FARP1: variants seen among roughly 807,000 people sequenced by gnomAD.
FARP1 encodes FERM, ARH/RhoGEF and pleckstrin domain protein 1.
A neutral mutation model predicts 128.8 loss-of-function variants in FARP1; 52 were observed. The ratio of observed to expected loss-of-function variants is 0.40; its 90% CI spans 0.32 to 0.51. The LOEUF is 0.51. FARP1 is among the 20% of genes least tolerant of loss of function. FARP1 has a pLI of 0.45. For missense variants in FARP1, 1,333 were observed against 1,367.9 expected, an observed-to-expected ratio of 0.97 and a Z score of 0.40; for synonymous variants, 580 against 551.8, an observed-to-expected ratio of 1.05 and a Z score of -0.72.
At chr13:98,245,360 A>G (rs926775323) in intron 2 of FARP1, 1 of 985,268 alleles carries the variant, frequency 1.0e-6, no homozygotes, top group Middle Eastern at 5.2e-4. Context: ...TTTATGTGAG[A>G]ACAGTTGATT....
Position 98,448,461 on chromosome 13 carries a change from G to GT in FARP1, c.*150dup, listed in dbSNP as rs1305774924. 4 of 675,490 alleles carry GT rather than the reference G, an allele frequency of 5.9e-6. No individual in the cohort carries two copies. Among genetic ancestry groups the GT allele is most frequent in the African/African-American group, 5.4e-5 (3 of 55,636 alleles). 41.8% of individuals were successfully genotyped at this position (675,490 alleles called of 1,614,324 possible). A position where few individuals can be genotyped will look rare whatever the true frequency, so the allele number is the denominator to read the frequency against. Reference sequence around the variant, plus strand: ...GCAGCTCTCCTGTCTCCACAGCCGCGTTTTTTAACCCCGACCTCTCAGCGT... The same window carrying GT: ...GCAGCTCTCCTGTCTCCACAGCCGCGTTTTTTTAACCCCGACCTCTCAGCGT... On this transcript the variant is annotated 3_prime_UTR_variant, in exon 27 of 27. Coordinates refer to ENST00000319562, the MANE Select transcript of FARP1 (RefSeq NM_005766.4).
Position 98,452,839 on chromosome 13 carries a change from T to C in FARP1, c.*4522T>C, listed in dbSNP as rs1893261244. 1.7e-5 allele frequency: 4 copies of C among 236,812 alleles called. No homozygotes were observed. Among genetic ancestry groups the C allele is most frequent in the Admixed American group, 1.0e-4 (2 of 19,330 alleles). 14.7% of individuals were successfully genotyped at this position (236,812 alleles called of 1,614,324 possible). A position where few individuals can be genotyped will look rare whatever the true frequency, so the allele number is the denominator to read the frequency against. Reference sequence around the variant, plus strand: ...AGGTTTCATGTCTTTAGTTGCCTTATCATAATCCCAAATATACATTTCAGG... The same window carrying C: ...AGGTTTCATGTCTTTAGTTGCCTTACCATAATCCCAAATATACATTTCAGG... On this transcript the variant is annotated 3_prime_UTR_variant, in exon 27 of 27. Coordinates refer to ENST00000319562, the MANE Select transcript of FARP1 (RefSeq NM_005766.4).
At chr13:98,226,734 G>A (rs1478885919) in intron 2 of FARP1, among the ~76,000 whole-genome samples, 5 of 152,146 alleles carry the variant, frequency 3.3e-5, no homozygotes, top group Non-Finnish European at 7.4e-5. Flanking sequence ...TAGAACTGAA[G>A]TACGGGTGGC....
chr13:98,204,988 G>A (rs1459643114), intron 1 of FARP1, among the ~76,000 whole-genome samples: 2 of 152,096 alleles, frequency 1.3e-5, no homozygotes, highest in Admixed American at 1.3e-4. Context: ...ATAGTTGAAT[G>A]AAAATTTGCT....
intron 2 of FARP1, among the ~76,000 whole-genome samples, chr13:98,243,761 T>G (rs1202952888): frequency 6.6e-6 from 1 of 151,946 alleles, no homozygotes; most frequent in Non-Finnish European, 1.5e-5. Flanking sequence ...TAATCACCCT[T>G]TTTTTCCAGC....
intron 2 of FARP1, among the ~76,000 whole-genome samples, chr13:98,295,041 TATATTACACACACACAC>T: frequency 7.1e-6 from 1 of 141,294 alleles, no homozygotes; most frequent in African/African-American, 2.7e-5. Flanking sequence ...TATATATATA[TATATTACACACACACAC>T]ACACACACAC....
intron 9 of FARP1, among the ~76,000 whole-genome samples, chr13:98,389,225 C>G (rs1398945934): frequency 6.6e-6 from 1 of 152,072 alleles, no homozygotes; most frequent in Non-Finnish European, 1.5e-5. Flanking sequence ...CACTGGAGTT[C>G]CAAAAAGCTG....
At chr13:98,166,720 CTTTCT>C (rs1877288799) in intron 1 of FARP1, among the ~76,000 whole-genome samples, 1 of 135,412 alleles carries the variant, frequency 7.4e-6, no homozygotes, top group South Asian at 2.2e-4. Context: ...GCCAGTTTTT[CTTTCT>C]TTTTTTTTTT....
chr13:98,229,134 G>A (rs1011733419), intron 2 of FARP1, among the ~76,000 whole-genome samples: 10 of 152,144 alleles, frequency 6.6e-5, no homozygotes, highest in African/African-American at 2.4e-4. Flanking sequence ...CCAAGACATA[G>A]CATGTGGACC....
At chr13:98,204,718 T>G (rs573717441) in intron 1 of FARP1, among the ~76,000 whole-genome samples, 1 of 152,306 alleles carries the variant, frequency 6.6e-6, no homozygotes, top group African/African-American at 2.4e-5. Flanking sequence ...CCCAGCACTT[T>G]GGAGGCCAAG....
At chr13:98,446,249 T>C in intron 25 of FARP1, 44 bp downstream of exon 25, 1 of 1,363,332 alleles carries the variant, frequency 7.3e-7, no homozygotes, top group Non-Finnish European at 1.0e-6. Context: ...ACCTTGGGGG[T>C]GGCAGCATGA....
intron 1 of FARP1, among the ~76,000 whole-genome samples, chr13:98,171,129 G>A (rs1877622117): frequency 6.6e-6 from 1 of 152,184 alleles, no homozygotes; most frequent in African/African-American, 2.4e-5. Context: ...GAGGTTTCCT[G>A]GTACAGTAAG....
At chr13:98,165,709 G>GTTTTTTTTTTTT (rs1566685742) in intron 1 of FARP1, among the ~76,000 whole-genome samples, 2 of 102,406 alleles carry the variant, frequency 2.0e-5, no homozygotes, top group Non-Finnish European at 4.0e-5. Context: ...TTCCAGAAGG[G>GTTTTTTTTTTTT]GTTTTTTTTT....
intron 1 of FARP1, among the ~76,000 whole-genome samples, chr13:98,167,760 T>C (rs1391674941): frequency 6.6e-6 from 1 of 152,212 alleles, no homozygotes; most frequent in Non-Finnish European, 1.5e-5. Flanking sequence ...TTATGATTCA[T>C]TTAAAAAAGT....
intron 2 of FARP1, chr13:98,329,672 A>G (rs1887402203): frequency 6.6e-6 from 1 of 152,096 alleles, no homozygotes; most frequent in Admixed American, 6.5e-5. Context: ...AAATATATAT[A>G]TATTTTCCCT....
At chr13:98,226,336 T>C (rs1457563142) in intron 2 of FARP1, among the ~76,000 whole-genome samples, 1 of 152,240 alleles carries the variant, frequency 6.6e-6, no homozygotes, top group Non-Finnish European at 1.5e-5. Flanking sequence ...CGCAAGTGTT[T>C]CTGTATTTTC....
chr13:98,395,797 C>T (rs1488635667), intron 13 of FARP1: 6 of 403,808 alleles, frequency 1.5e-5, no homozygotes, highest in Non-Finnish European at 2.6e-5. Context: ...CCCTCGACTC[C>T]CAAGGCATAG....
rs138571333 is a variant in FARP1 at position 98,317,764 on chromosome 13, G to A, written c.172-25998G>A. 2.6e-5 allele frequency among the ~76,000 whole-genome samples: 4 copies of A among 152,322 alleles called. No homozygotes were observed. In the East Asian group the frequency reaches 7.7e-4, roughly 29 times the overall value. On this transcript the variant is annotated intron_variant, in intron 2 of 26. Coordinates refer to ENST00000319562, the MANE Select transcript of FARP1 (RefSeq NM_005766.4). ...GAGGCTGGAAGTCCAAGATCAAGGT[G>A]TTGGCCAATTCCAGTCCTGGTGAGG...
chr13:98,348,943 A>G (rs1888291990), intron 3 of FARP1, among the ~76,000 whole-genome samples: 1 of 152,070 alleles, frequency 6.6e-6, no homozygotes, highest in Non-Finnish European at 1.5e-5. Context: ...ATGTGTAACC[A>G]GGATCCACAC....
Sources: gnomAD v4.1 joint callset for allele counts (sites outside exome capture counted in the v4.1 genomes callset) on GRCh38, gnomAD v4.1.1 for gene constraint, MANE v1.5 for transcripts, NCBI Gene and HGNC (gene_info 2026-07-23, HGNC 2026-07-21) for gene names.